The following EIF5A variants were observed in gnomAD, a reference collection of about 807,000 sequenced individuals.
EIF5A encodes the protein eukaryotic translation initiation factor 5A, also known as eukaryotic translation initiation factor 5A-1.
A neutral mutation model predicts 16.6 loss-of-function variants in EIF5A; 1 was observed. That is an observed-to-expected ratio of 0.06 (90% CI 0.02 to 0.28). EIF5A has a LOEUF of 0.28. Among genes scored for constraint, EIF5A ranks in the 10% least tolerant of loss-of-function variants. The pLI, the probability that EIF5A is intolerant of heterozygous loss-of-function variation, is 1.00. For synonymous variants in EIF5A, 80 were observed against 73.6 expected, an observed-to-expected ratio of 1.09 and a Z score of -0.44; for missense variants, 29 against 196.1, an observed-to-expected ratio of 0.15 and a Z score of 5.09.
chr17:7,307,273 G>A, upstream of EIF5A: 1 of 1,177,486 alleles, frequency 8.5e-7, no homozygotes, highest in Non-Finnish European at 1.1e-6. Flanking sequence ...GAACACGCAT[G>A]CGTTCTGAGA....
rs2072823996 is a variant in EIF5A at position 7,311,437 on chromosome 17, G to A, written c.358G>A (p.Gly120Ser). ...EDLRLPEGDL[G>S]KEIEQKYDCG... ...CCTTCGTCTCCCTGAGGGAGACCTT[G>A]GCAAGGAGATTGAGCAGAAGTACGA... The change falls in exon 4 of 6, where the codon GGC (glycine) becomes AGC (serine). Residue 120 changes from glycine to serine, a missense_variant. Transcript: ENST00000336458. 1 of 1,614,010 alleles carries A rather than the reference G, an allele frequency of 6.2e-7. No individual in the cohort carries two copies. The highest frequency in any genetic ancestry group is 1.3e-5 in the African/African-American group (1 of 74,894).
Position 7,307,652 on chromosome 17 carries a change from G to GGCA in EIF5A, c.-120_-119insAGC. On this transcript the variant is annotated 5_prime_UTR_variant, in exon 1 of 6. Transcript: ENST00000336458. ...CGTACTAAGACCCGTGTGCAGCAGC[G>GGCA]GCGGCGGCGGTAGAGGCGGCGGCGG... The GGCA allele has an allele frequency of 9.6e-7, 1 of 1,046,544 alleles. No homozygotes were observed. The highest frequency in any genetic ancestry group is 1.1e-6 in the Non-Finnish European group (1 of 870,234). The allele number at this position is 1,046,544 out of a possible 1,614,324, so 64.8% of individuals were successfully genotyped here. A position where few individuals can be genotyped will look rare whatever the true frequency, so the allele number is the denominator to read the frequency against.
chr17:7,310,885 T>G lies in EIF5A; in HGVS notation c.166-133T>G, dbSNP rs577471731. ...CTTTACTGTTTCTTGAGTTGACTGG[T>G]TCAATTCCAACACTCCAGTCTTTGC... is the stretch of plus-strand genomic sequence containing the variant. On this transcript the variant is annotated intron_variant, in intron 2 of 5. Coordinates refer to ENST00000336458, the MANE Select transcript of EIF5A (RefSeq NM_001970.5). 1.4e-4 allele frequency: 208 copies of G among 1,435,630 alleles called. 1 individual carries two copies. In the South Asian group the frequency reaches 2.9e-3, roughly 20 times the overall value. 88.9% of individuals were successfully genotyped at this position (1,435,630 alleles called of 1,614,324 possible).
intron 2 of EIF5A, chr17:7,310,096 CTCCT>C (rs779726798): frequency 1.5e-4 from 213 of 1,385,010 alleles, no homozygotes; most frequent in Non-Finnish European, 1.9e-4. Context: ...TATTCAGTTG[CTCCT>C]TCCTTATTCT....
Position 7,308,424 on chromosome 17 carries a change from G to T in EIF5A, c.-22+672G>T, listed in dbSNP as rs1233152854. The T allele has an allele frequency of 7.0e-5, 91 of 1,302,882 alleles. No individual in the cohort carries two copies. In the Admixed American group the frequency reaches 2.0e-3, roughly 29 times the overall value. The allele number at this position is 1,302,882 out of a possible 1,614,324, so 80.7% of individuals were successfully genotyped here. On this transcript the variant is annotated intron_variant, in intron 1 of 5. Coordinates refer to ENST00000336458, the MANE Select transcript of EIF5A (RefSeq NM_001970.5). The stretch of plus-strand genomic sequence containing the variant: ...AGCTAGTCCTCGCGGGGGTTCCGAG[G>T]GGGCCTGAGATTTTGAGGAGTGGAA...
chr17:7,308,516 T>TC, intron 1 of EIF5A: 1 of 1,351,492 alleles, frequency 7.4e-7, no homozygotes, highest in Non-Finnish European at 9.8e-7. Context: ...CTTCCCAACC[T>TC]CAAGGGCCCC....
At chr17:7,307,559 GAGAT>G (rs1167294318), upstream of EIF5A, 69 of 1,008,432 alleles carry the variant, frequency 6.8e-5, 1 homozygote, top group South Asian at 4.9e-4. Context: ...GAGGGCGGAG[GAGAT>G]AGATAGCACG....
chr17:7,310,494 C>T (rs1009292711), intron 2 of EIF5A: 35 of 1,171,462 alleles, frequency 3.0e-5, no homozygotes, highest in Non-Finnish European at 3.2e-5. Context: ...TTTGACTTGA[C>T]ATTGATCTTG....
intron 2 of EIF5A, 119 bp from the exon 3 acceptor site, chr17:7,310,899 T>C (rs543225933): frequency 6.9e-7 from 1 of 1,454,150 alleles, no homozygotes; most frequent in South Asian, 1.4e-5. Context: ...ATTCCAACAC[T>C]CCAGTCTTTG....
intron 1 of EIF5A, among the ~76,000 whole-genome samples, chr17:7,309,205 C>T (rs2072739569): frequency 1.3e-5 from 2 of 151,758 alleles, no homozygotes; most frequent in Non-Finnish European, 2.9e-5. Context: ...TTAGCCCTGC[C>T]CTTTTGCTGG....
At chr17:7,308,810 C>T (rs990454081) in intron 1 of EIF5A, among the ~76,000 whole-genome samples, 5 of 152,138 alleles carry the variant, frequency 3.3e-5, no homozygotes, top group African/African-American at 9.7e-5. Context: ...TTTTCTACTA[C>T]TCACTACTAC....
intron 5 of EIF5A, 66 bp downstream of exon 5, chr17:7,311,717 CT>C (rs889814543): frequency 1.3e-6 from 2 of 1,595,716 alleles, no homozygotes; most frequent in Non-Finnish European, 1.7e-6. Flanking sequence ...CTGCTGTAGT[CT>C]TAATTGTTTC....
upstream of EIF5A, chr17:7,307,330 C>T (rs2143007640): frequency 1.7e-6 from 2 of 1,193,252 alleles, no homozygotes; most frequent in South Asian, 2.5e-5. Flanking sequence ...CTCCTTATTG[C>T]GCAGGCGCAA....
intron 1 of EIF5A, 34 bp downstream of exon 1, chr17:7,307,786 T>A: frequency 1.0e-6 from 1 of 993,292 alleles, no homozygotes; most frequent in Non-Finnish European, 1.2e-6. Flanking sequence ...GCGCGGTACC[T>A]TGGCTTGGGC....
rs1436518149 is a variant in EIF5A, at chr17:7,312,449, A to G, written c.*639A>G. 3.1e-6 allele frequency: 1 copy of G among 320,470 alleles called. No individual in the cohort carries two copies. The highest frequency in any genetic ancestry group is 7.5e-5 in the East Asian group (1 of 13,320). 19.9% of individuals were successfully genotyped at this position (320,470 alleles called of 1,614,324 possible). ...AAACCTGAATAAAACTACAAGTTTA[A>G]TATGAAGCCCCCAACTCAGCTGCTT... On this transcript the variant is annotated 3_prime_UTR_variant, in exon 6 of 6. Transcript: ENST00000336458.
rs778898421 is a variant in EIF5A, at chr17:7,311,457, G to C, written c.378G>C (p.Lys126Asn). 1 of 1,614,014 alleles carries C rather than the reference G, an allele frequency of 6.2e-7. No individual in the cohort carries two copies. Among genetic ancestry groups the C allele is most frequent in the Non-Finnish European group, 8.5e-7 (1 of 1,180,034 alleles). The change falls in exon 4 of 6, where the codon AAG (lysine) becomes AAC (asparagine). Residue 126 changes from lysine to asparagine, a missense_variant. Lys to Asn is a moderately conservative substitution (Grantham distance 94, BLOSUM62 0). Coordinates refer to ENST00000336458, the MANE Select transcript of EIF5A (RefSeq NM_001970.5). ...EGDLGKEIEQ[K>N]YDCGEEILIT... ...ACCTTGGCAAGGAGATTGAGCAGAAGTACGACTGTGGAGAAGAGATCCTGG... is the reference window on the plus strand; with the variant it reads ...ACCTTGGCAAGGAGATTGAGCAGAACTACGACTGTGGAGAAGAGATCCTGG...
At chr17:7,307,129 G>A (rs183824855), upstream of EIF5A, 1,420 of 1,587,680 alleles carry the variant, frequency 8.9e-4, 9 homozygotes, top group African/African-American at 0.015. Flanking sequence ...AGTCGTTTAA[G>A]TCCAGTTAAA....
intron 1 of EIF5A, chr17:7,308,301 C>A: frequency 8.7e-7 from 1 of 1,143,288 alleles, no homozygotes; most frequent in Non-Finnish European, 1.1e-6. Flanking sequence ...TGGACCGGGG[C>A]CGCATGGCAG....
chr17:7,309,513 T>A, intron 1 of EIF5A, 102 bp from the exon 2 acceptor site: 2 of 1,467,554 alleles, frequency 1.4e-6, no homozygotes, highest in South Asian at 2.5e-5. Flanking sequence ...AGGTGGGTAA[T>A]GGAATAAAGA....
Sources: gnomAD v4.1 joint callset for allele counts (sites outside exome capture counted in the v4.1 genomes callset) on GRCh38, gnomAD v4.1.1 for gene constraint, MANE v1.5 for transcripts, NCBI Gene and HGNC (gene_info 2026-07-23, HGNC 2026-07-21) for gene names.